Variants in KSR2 observed in about 807,000 individuals in gnomAD.
The protein encoded by KSR2 is kinase suppressor of ras 2.
In KSR2, 25 loss-of-function variants were observed where a neutral mutation model predicts 107.8. The ratio of observed to expected loss-of-function variants is 0.23; its 90% CI spans 0.17 to 0.32. The LOEUF is 0.32. KSR2 is among the 10% of genes least tolerant of loss of function. The pLI is 1.00. For synonymous variants in KSR2, 480 were observed against 507.0 expected (o/e 0.95, Z 0.71); for missense variants, 887 against 1,268.9 (o/e 0.70, Z 4.57).
At chr12:117,775,032 C>T (rs534063563) in intron 3 of KSR2, among the ~76,000 whole-genome samples, 6 of 152,244 alleles carry the variant, frequency 3.9e-5, no homozygotes, top group African/African-American at 1.2e-4. Flanking sequence ...ATGTATACAC[C>T]ACATTTTGTT....
intron 4 of KSR2, among the ~76,000 whole-genome samples, chr12:117,693,977 T>G (rs1593138123): frequency 6.6e-6 from 1 of 152,320 alleles, no homozygotes; most frequent in Non-Finnish European, 1.5e-5. Flanking sequence ...CAACACTGAT[T>G]GAAGGGTCAT....
intron 14 of KSR2, among the ~76,000 whole-genome samples, chr12:117,492,011 C>T (rs888873678): frequency 2.0e-5 from 3 of 152,182 alleles, no homozygotes; most frequent in Non-Finnish European, 2.9e-5. Flanking sequence ...ATCTCTCTAG[C>T]TTCTAGTGCA....
intron 4 of KSR2, among the ~76,000 whole-genome samples, chr12:117,717,848 C>A (rs941374486): frequency 5.3e-5 from 8 of 152,122 alleles, no homozygotes; most frequent in African/African-American, 1.9e-4. Context: ...TTTGCAGCAA[C>A]CTTAGAGAAA....
chr12:117,555,099 T>C, intron 9 of KSR2, 70 bp downstream of exon 9: 1 of 1,596,066 alleles, frequency 6.3e-7, no homozygotes, highest in South Asian at 1.1e-5. Flanking sequence ...GATCAACCCT[T>C]CCTCCCTCCT....
chr12:117,945,978 A>T (rs1896168288), intron 1 of KSR2, among the ~76,000 whole-genome samples: 1 of 152,208 alleles, frequency 6.6e-6, no homozygotes, highest in South Asian at 2.1e-4. Context: ...AAAAGAAAAC[A>T]TGCATCAAAG....
intron 9 of KSR2, among the ~76,000 whole-genome samples, chr12:117,550,187 A>G (rs927427331): frequency 2.6e-5 from 4 of 152,330 alleles, no homozygotes; most frequent in Middle Eastern, 3.4e-3. Context: ...GGTGAGAGGA[A>G]TGGCCTCCTG....
chr12:117,466,970 G>T lies in KSR2; in HGVS notation c.*229C>A. 2.2e-6 allele frequency: 1 copy of T among 458,434 alleles called. No homozygotes were observed. The highest frequency in any genetic ancestry group is 3.8e-6 in the Non-Finnish European group (1 of 260,908). The allele number at this position is 458,434 out of a possible 1,614,324, so 28.4% of individuals were successfully genotyped here. ...GCACTGATCAATAACGCATCACCCT[G>T]GCTGGTCCGGTTCAGTCCTAGCTCG... On this transcript the variant is annotated 3_prime_UTR_variant, in exon 20 of 20. Coordinates refer to ENST00000339824, the MANE Select transcript of KSR2 (RefSeq NM_173598.6).
intron 5 of KSR2, among the ~76,000 whole-genome samples, chr12:117,582,857 G>A (rs547115141): frequency 6.6e-6 from 1 of 152,298 alleles, no homozygotes; most frequent in African/African-American, 2.4e-5. Context: ...GAAAGTTAGA[G>A]TGCAGTGGAT....
At chr12:117,523,357 A>G (rs977886890) in intron 14 of KSR2, among the ~76,000 whole-genome samples, 3 of 152,156 alleles carry the variant, frequency 2.0e-5, no homozygotes, top group African/African-American at 7.2e-5. Flanking sequence ...AGAGCTCCTA[A>G]CAGCCCCTTG....
Position 117,558,426 on chromosome 12 carries a change from CT to C in KSR2, c.1393+79del. On this transcript the variant is annotated intron_variant, in intron 8 of 19. Coordinates refer to ENST00000339824, the MANE Select transcript of KSR2 (RefSeq NM_173598.6). ...GGATCAAGAGGTATTCAGAACCAAC[CT>C]GATGGGACAGCTATGTGGGGGACCT... is the stretch of plus-strand genomic sequence containing the variant. The C allele has an allele frequency of 4.5e-6, 5 of 1,112,644 alleles. No individual in the cohort carries two copies. In the South Asian group the frequency reaches 6.3e-5, roughly 14 times the overall value. 68.9% of individuals were successfully genotyped at this position (1,112,644 alleles called of 1,614,324 possible). A position where few individuals can be genotyped will look rare whatever the true frequency, so the allele number is the denominator to read the frequency against.
intron 3 of KSR2, among the ~76,000 whole-genome samples, chr12:117,818,083 A>G (rs1891436436): frequency 6.6e-6 from 1 of 151,554 alleles, no homozygotes; most frequent in Admixed American, 6.6e-5. Context: ...TCTGGGTAAC[A>G]GAGCGAGACT....
chr12:117,645,510 C>G (rs1350453288), intron 5 of KSR2, among the ~76,000 whole-genome samples: 1 of 152,218 alleles, frequency 6.6e-6, no homozygotes, highest in East Asian at 1.9e-4. Flanking sequence ...AAGAAATCAT[C>G]TCCTCACTAT....
chr12:117,922,819 T>C (rs1895382348), intron 1 of KSR2, among the ~76,000 whole-genome samples: 2 of 152,044 alleles, frequency 1.3e-5, no homozygotes, highest in Admixed American at 6.6e-5. Context: ...ATAAAGAAAA[T>C]AGTCCGTCCT....
rs376412131 is a variant in KSR2 at position 117,579,253 on chromosome 12, C to T, written c.1242-51G>A. 1.1e-5 allele frequency: 15 copies of T among 1,305,920 alleles called. No homozygotes were observed. In the African/African-American group the frequency reaches 2.2e-4, roughly 19 times the overall value. 80.9% of individuals were successfully genotyped at this position (1,305,920 alleles called of 1,614,324 possible). A position where few individuals can be genotyped will look rare whatever the true frequency, so the allele number is the denominator to read the frequency against. On this transcript the variant is annotated intron_variant, in intron 6 of 19. Transcript: ENST00000339824. ...CAAGGTTAAGGAAATGGCGACTGAC[C>T]TATCTCTAGAGGGATGAAGTACTTG...
At chr12:117,762,349 C>A (rs1889066223) in intron 3 of KSR2, among the ~76,000 whole-genome samples, 1 of 152,234 alleles carries the variant, frequency 6.6e-6, no homozygotes, top group African/African-American at 2.4e-5. Context: ...TCCTCCAGAT[C>A]TGTGTCGCCA....
At chr12:117,885,631 T>C (rs1894151252) in intron 1 of KSR2, among the ~76,000 whole-genome samples, 2 of 151,234 alleles carry the variant, frequency 1.3e-5, no homozygotes, top group African/African-American at 4.9e-5. Flanking sequence ...TTATATGTAA[T>C]TATATGTATA....
At chr12:117,767,677 C>T (rs753735385) in intron 3 of KSR2, among the ~76,000 whole-genome samples, 4 of 148,058 alleles carry the variant, frequency 2.7e-5, no homozygotes, top group East Asian at 4.0e-4. Context: ...CCCAGCTACT[C>T]GGGAGGCTGA....
intron 3 of KSR2, among the ~76,000 whole-genome samples, chr12:117,806,445 G>A (rs1184782060): frequency 6.6e-6 from 1 of 152,278 alleles, no homozygotes; most frequent in East Asian, 1.9e-4. Context: ...AATTCGTCTA[G>A]GGCTCCATTT....
chr12:117,605,737 T>C (rs574752074), intron 5 of KSR2, among the ~76,000 whole-genome samples: 1 of 152,256 alleles, frequency 6.6e-6, no homozygotes, highest in African/African-American at 2.4e-5. Context: ...TGCCCATCAA[T>C]GATAGACTGG....
Sources: gnomAD v4.1 joint callset for allele counts (sites outside exome capture counted in the v4.1 genomes callset) on GRCh38, gnomAD v4.1.1 for gene constraint, MANE v1.5 for transcripts, NCBI Gene and HGNC (gene_info 2026-07-23, HGNC 2026-07-21) for gene names.